The following SNX13 variants were observed in gnomAD, a reference collection of about 807,000 sequenced individuals.
SNX13 encodes the protein sorting nexin 13, also known as sorting nexin-13.
A neutral mutation model predicts 133.6 loss-of-function variants in SNX13; 45 were observed. The ratio of observed to expected loss-of-function variants is 0.34; its 90% CI spans 0.27 to 0.43. The LOEUF (loss-of-function observed/expected upper bound fraction) is 0.43, where lower values mean the gene tolerates loss of function less well. Ranked by LOEUF, SNX13 falls within the 20% of genes least tolerant of loss-of-function variation. SNX13 has a pLI of 1.00. For synonymous variants in SNX13, 414 were observed against 373.9 expected, an observed-to-expected ratio of 1.11 and a Z score of -1.24; for missense variants, 1,032 against 1,145.1, an observed-to-expected ratio of 0.90 and a Z score of 1.43.
chr7:17,814,031 A>G (rs1786364308), intron 20 of SNX13, among the ~76,000 whole-genome samples: 1 of 152,172 alleles, frequency 6.6e-6, no homozygotes, highest in South Asian at 2.1e-4. Context: ...TCAGACTTAT[A>G]AAAAGTGATA....
chr7:17,802,026 C>G (rs1330333285), intron 21 of SNX13, among the ~76,000 whole-genome samples: 3 of 151,928 alleles, frequency 2.0e-5, no homozygotes, highest in South Asian at 2.1e-4. Flanking sequence ...GATTGTAATA[C>G]TACATTTTTA....
At chr7:17,922,453 A>G (rs1184117042) in intron 1 of SNX13, among the ~76,000 whole-genome samples, 10 of 152,236 alleles carry the variant, frequency 6.6e-5, no homozygotes, top group Admixed American at 6.5e-4. Flanking sequence ...CATGCCAAGT[A>G]TAACAACATC....
At chr7:17,813,868 G>C (rs1201830084) in intron 20 of SNX13, among the ~76,000 whole-genome samples, 1 of 152,152 alleles carries the variant, frequency 6.6e-6, no homozygotes. Flanking sequence ...TTACAGGCAT[G>C]AGCCACTGTG....
Position 17,819,697 on chromosome 7 carries a change from T to A in SNX13, c.1845+1812A>T, listed in dbSNP as rs534730435. Among the ~76,000 whole-genome samples, 3 of 152,128 alleles carry A rather than the reference T, an allele frequency of 2.0e-5. No individual in the cohort carries two copies. In the South Asian group the frequency reaches 6.2e-4, roughly 32 times the overall value. On this transcript the variant is annotated intron_variant, in intron 18 of 25. Coordinates refer to ENST00000428135, the MANE Select transcript of SNX13 (RefSeq NM_015132.5). ...TTTTCTTCCATTATTTTATAAGGGA[T>A]TTGAGTTTTTAAAATATAGATAAGG...
intron 4 of SNX13, among the ~76,000 whole-genome samples, chr7:17,890,716 A>T (rs970431665): frequency 5.6e-4 from 84 of 151,296 alleles, no homozygotes; most frequent in South Asian, 1.2e-3. Flanking sequence ...TTTAAAAAAA[A>T]AAATAAAATA....
chr7:17,815,172 G>A lies in SNX13; in HGVS notation c.1954-228C>T, dbSNP rs569803946. 1.2e-4 allele frequency among the ~76,000 whole-genome samples: 19 copies of A among 152,224 alleles called. No individual in the cohort carries two copies. In the South Asian group the frequency reaches 3.7e-3, roughly 30 times the overall value. ...TATATCAGCTATTTTGACTTTAAGT[G>A]TATCTAATGTGAAAGTTGTCTGAAC... is the stretch of plus-strand genomic sequence containing the variant. On this transcript the variant is annotated intron_variant, in intron 19 of 25. Coordinates refer to ENST00000428135, the MANE Select transcript of SNX13 (RefSeq NM_015132.5).
intron 12 of SNX13, 146 bp downstream of exon 12, chr7:17,845,447 ACT>A (rs1020139227): frequency 2.4e-5 from 12 of 506,780 alleles, no homozygotes; most frequent in South Asian, 1.1e-4. Context: ...AGTTCTGGAG[ACT>A]CTGTACAACA....
At chr7:17,825,256 A>AG (rs1787761346) in intron 17 of SNX13, among the ~76,000 whole-genome samples, 6 of 144,602 alleles carry the variant, frequency 4.1e-5, no homozygotes, top group African/African-American at 1.0e-4. Flanking sequence ...AAACTAGATT[A>AG]AACTAGACTA....
intron 20 of SNX13, among the ~76,000 whole-genome samples, chr7:17,809,626 G>A (rs1785764078): frequency 6.6e-6 from 1 of 152,206 alleles, no homozygotes; most frequent in Non-Finnish European, 1.5e-5. Context: ...GGACCTAACA[G>A]ATATCTACAG....
chr7:17,825,471 T>G (rs1787806703), intron 17 of SNX13, among the ~76,000 whole-genome samples: 1 of 152,206 alleles, frequency 6.6e-6, no homozygotes, highest in Non-Finnish European at 1.5e-5. Flanking sequence ...TACTCATTAG[T>G]GTTATCTAAT....
chr7:17,909,940 T>A (rs1016336034), intron 1 of SNX13, among the ~76,000 whole-genome samples: 9 of 152,188 alleles, frequency 5.9e-5, no homozygotes, highest in Non-Finnish European at 1.2e-4. Context: ...TACAAATCCA[T>A]TGATCAAATA....
chr7:17,864,001 C>A (rs1732573313), intron 9 of SNX13, among the ~76,000 whole-genome samples: 1 of 152,152 alleles, frequency 6.6e-6, no homozygotes, highest in South Asian at 2.1e-4. Flanking sequence ...GCATAGTGAC[C>A]ATAGGCTTAG....
chr7:17,926,511 C>CT (rs1368510330), intron 1 of SNX13, among the ~76,000 whole-genome samples: 1 of 152,108 alleles, frequency 6.6e-6, no homozygotes, highest in African/African-American at 2.4e-5. Flanking sequence ...TATACATATA[C>CT]TTGTAAAAAT....
intron 19 of SNX13, 127 bp from the exon 20 acceptor site, chr7:17,815,071 T>A: frequency 9.6e-7 from 1 of 1,037,394 alleles, no homozygotes; most frequent in Non-Finnish European, 1.3e-6. Flanking sequence ...TTTATATTTT[T>A]AAAAACCCAA....
Position 17,806,931 on chromosome 7 carries a change from C to T in SNX13, c.2065-3351G>A, listed in dbSNP as rs531476306. 1.2e-4 allele frequency among the ~76,000 whole-genome samples: 19 copies of T among 152,338 alleles called. No individual in the cohort carries two copies. In the South Asian group the frequency reaches 3.7e-3, roughly 30 times the overall value. ...GGAATGGTGATTTTTGGTCCAGATA[C>T]TACGCTTTTCCCACAGTCTTTGCAA... On this transcript the variant is annotated intron_variant, in intron 20 of 25. Coordinates refer to ENST00000428135, the MANE Select transcript of SNX13 (RefSeq NM_015132.5).
At chr7:17,861,774 C>T (rs1168563566) in intron 9 of SNX13, among the ~76,000 whole-genome samples, 2 of 152,162 alleles carry the variant, frequency 1.3e-5, no homozygotes, top group African/African-American at 4.8e-5. Flanking sequence ...TGCAAGATGC[C>T]AGAAGTGGAC....
chr7:17,797,191 A>T (rs1248267418), intron 24 of SNX13, among the ~76,000 whole-genome samples: 1 of 151,920 alleles, frequency 6.6e-6, no homozygotes. Context: ...ATAAACACTA[A>T]TGAAGACAGC....
At chr7:17,827,670 A>G (rs964431517) in intron 16 of SNX13, among the ~76,000 whole-genome samples, 2 of 151,954 alleles carry the variant, frequency 1.3e-5, no homozygotes, top group African/African-American at 4.8e-5. Context: ...GACTTTAACC[A>G]TATCAACTAC....
intron 11 of SNX13, among the ~76,000 whole-genome samples, chr7:17,846,097 A>T (rs1790486728): frequency 6.6e-6 from 1 of 152,204 alleles, no homozygotes; most frequent in Non-Finnish European, 1.5e-5. Context: ...ACTACTAGGA[A>T]AACAAAATAT....
Sources: gnomAD v4.1 joint callset for allele counts (sites outside exome capture counted in the v4.1 genomes callset) on GRCh38, gnomAD v4.1.1 for gene constraint, MANE v1.5 for transcripts, NCBI Gene and HGNC (gene_info 2026-07-23, HGNC 2026-07-21) for gene names.